The following EPHA6 variants were observed in gnomAD, a reference collection of about 807,000 sequenced individuals.
EPHA6 encodes the protein ephrin type-A receptor 6.
EPHA6 carries 50 observed loss-of-function variants against 112.0 expected under a neutral mutation model. The observed-to-expected ratio is 0.45, with a 90% CI of 0.36 to 0.56. EPHA6 has a LOEUF of 0.56. EPHA6 is among the 20% of genes least tolerant of loss of function. EPHA6 has a pLI of 0.00. For synonymous variants in EPHA6, 529 were observed against 490.7 expected, an observed-to-expected ratio of 1.08 and a Z score of -1.03; for missense variants, 1,280 against 1,417.4, an observed-to-expected ratio of 0.90 and a Z score of 1.56.
At chr3:97,137,970 A>G (rs1289603313) in intron 3 of EPHA6, among the ~76,000 whole-genome samples, 1 of 152,148 alleles carries the variant, frequency 6.6e-6, no homozygotes, top group Non-Finnish European at 1.5e-5. Flanking sequence ...AAAATATCAC[A>G]TAAATCTACA....
chr3:97,332,479 C>T (rs2082849448), intron 5 of EPHA6, among the ~76,000 whole-genome samples: 1 of 152,226 alleles, frequency 6.6e-6, no homozygotes, highest in Middle Eastern at 3.4e-3. Context: ...TCCCTGTTTG[C>T]AGATGACATG....
At chr3:96,959,754 A>G (rs532565765) in intron 2 of EPHA6, among the ~76,000 whole-genome samples, 110 of 152,100 alleles carry the variant, frequency 7.2e-4, no homozygotes, top group African/African-American at 2.0e-3. Context: ...TAATAAATAC[A>G]TTGCTCATGA....
At chr3:97,307,448 A>G (rs951552527) in intron 5 of EPHA6, among the ~76,000 whole-genome samples, 18 of 151,750 alleles carry the variant, frequency 1.2e-4, no homozygotes, top group African/African-American at 3.9e-4. Context: ...TCATTGGGCT[A>G]TTTTTATCAT....
intron 3 of EPHA6, among the ~76,000 whole-genome samples, chr3:97,088,322 A>G (rs371913423): frequency 6.6e-6 from 1 of 152,184 alleles, no homozygotes; most frequent in Admixed American, 6.6e-5. Context: ...CTGGAATTTC[A>G]ATCATTACAA....
chr3:97,328,751 C>G (rs2108812186), intron 5 of EPHA6, among the ~76,000 whole-genome samples: 1 of 152,098 alleles, frequency 6.6e-6, no homozygotes, highest in South Asian at 2.1e-4. Flanking sequence ...ACTCTGGTAT[C>G]AAGTCAAAGA....
intron 5 of EPHA6, among the ~76,000 whole-genome samples, chr3:97,375,194 CA>C (rs1479265883): frequency 6.6e-6 from 1 of 152,112 alleles, no homozygotes; most frequent in Non-Finnish European, 1.5e-5. Context: ...CATCCTATTA[CA>C]AAGGGCTTTC....
At chr3:96,928,280 C>T (rs2040142990) in intron 2 of EPHA6, among the ~76,000 whole-genome samples, 1 of 152,220 alleles carries the variant, frequency 6.6e-6, no homozygotes, top group Non-Finnish European at 1.5e-5. Flanking sequence ...AAATTTACCT[C>T]TTAACACTGC....
intron 5 of EPHA6, among the ~76,000 whole-genome samples, chr3:97,304,932 T>G (rs2081253360): frequency 6.6e-6 from 1 of 152,018 alleles, no homozygotes; most frequent in African/African-American, 2.4e-5. Context: ...AAAAAGAAAC[T>G]ATCATCAGAG....
At chr3:97,097,700 C>A (rs2047282794) in intron 3 of EPHA6, among the ~76,000 whole-genome samples, 1 of 151,788 alleles carries the variant, frequency 6.6e-6, no homozygotes, top group African/African-American at 2.4e-5. Flanking sequence ...TGTCTTATGT[C>A]AAGCCTGTAT....
chr3:96,884,516 A>T (rs1277003806), intron 2 of EPHA6, among the ~76,000 whole-genome samples: 1 of 151,996 alleles, frequency 6.6e-6, no homozygotes, highest in Non-Finnish European at 1.5e-5. Context: ...TCTTGATTTG[A>T]TTCTGTTTAG....
At chr3:96,857,212 C>A (rs1187553769) in intron 1 of EPHA6, among the ~76,000 whole-genome samples, 1 of 152,014 alleles carries the variant, frequency 6.6e-6, no homozygotes, top group African/African-American at 2.4e-5. Context: ...ATGTCTTTAT[C>A]CTTTCTTTTG....
intron 5 of EPHA6, among the ~76,000 whole-genome samples, chr3:97,343,878 C>T (rs1451240922): frequency 6.6e-6 from 1 of 152,096 alleles, no homozygotes; most frequent in African/African-American, 2.4e-5. Context: ...CACCAGTGGG[C>T]CCATAAGACC....
At chr3:97,121,089 A>G (rs2048028522) in intron 3 of EPHA6, among the ~76,000 whole-genome samples, 2 of 152,068 alleles carry the variant, frequency 1.3e-5, no homozygotes, top group Non-Finnish European at 2.9e-5. Flanking sequence ...CAAATGGAAG[A>G]TATACCAATT....
At chr3:97,648,565 T>A in intron 14 of EPHA6, 2 of 1,219,408 alleles carry the variant, frequency 1.6e-6, no homozygotes, top group Non-Finnish European at 2.0e-6. Context: ...AATAAATATT[T>A]TAACACAAGT....
intron 3 of EPHA6, among the ~76,000 whole-genome samples, chr3:97,187,648 GAGAA>G (rs1175135414): frequency 4.0e-4 from 50 of 124,834 alleles, no homozygotes; most frequent in African/African-American, 7.0e-4. Flanking sequence ...AAAAGAGAGA[GAGAA>G]AGAAAGAAAG....
At chr3:97,029,516 G>A (rs1318339861) in intron 3 of EPHA6, among the ~76,000 whole-genome samples, 1 of 151,950 alleles carries the variant, frequency 6.6e-6, no homozygotes, top group Non-Finnish European at 1.5e-5. Context: ...AATACATAAT[G>A]AATGATACAT....
intron 3 of EPHA6, among the ~76,000 whole-genome samples, chr3:97,031,060 T>A (rs1014590999): frequency 2.6e-5 from 4 of 151,806 alleles, no homozygotes; most frequent in Non-Finnish European, 4.4e-5. Context: ...AAGTTAAGAA[T>A]TTTTTAGAAG....
intron 2 of EPHA6, among the ~76,000 whole-genome samples, chr3:96,940,118 G>A (rs1461558824): frequency 6.6e-6 from 1 of 152,088 alleles, no homozygotes; most frequent in African/African-American, 2.4e-5. Context: ...TGTCTATTAG[G>A]TCCACTTGGT....
intron 3 of EPHA6, among the ~76,000 whole-genome samples, chr3:97,197,286 C>G (rs1173686333): frequency 6.6e-6 from 1 of 152,082 alleles, no homozygotes; most frequent in East Asian, 1.9e-4. Flanking sequence ...TGGGTCACAT[C>G]TGAAGTCAGC....
Sources: gnomAD v4.1 joint callset for allele counts (sites outside exome capture counted in the v4.1 genomes callset) on GRCh38, gnomAD v4.1.1 for gene constraint, MANE v1.5 for transcripts, NCBI Gene and HGNC (gene_info 2026-07-23, HGNC 2026-07-21) for gene names.